Variants in DCLK1 observed in about 807,000 individuals in gnomAD.
The protein encoded by DCLK1 is doublecortin like kinase 1, also known as serine/threonine-protein kinase DCLK1.
A neutral mutation model predicts 86.2 loss-of-function variants in DCLK1; 16 were observed. The observed-to-expected ratio is 0.19, with a 90% CI of 0.13 to 0.28. The LOEUF (loss-of-function observed/expected upper bound fraction) is 0.28, where lower values mean the gene tolerates loss of function less well. DCLK1 is among the 10% of genes least tolerant of loss of function. The pLI, the probability that DCLK1 is intolerant of heterozygous loss-of-function variation, is 1.00. For synonymous variants in DCLK1, 369 were observed against 370.5 expected (o/e 1.00, Z 0.05); for missense variants, 590 against 940.2 (o/e 0.63, Z 4.87).
intron 5 of DCLK1, among the ~76,000 whole-genome samples, chr13:35,870,319 T>A (rs892512468): frequency 6.6e-6 from 1 of 152,106 alleles, no homozygotes; most frequent in African/African-American, 2.4e-5. Context: ...GAGGGCTGGG[T>A]GGTCTAGCTG....
At chr13:36,075,269 A>G (rs1422555493) in intron 3 of DCLK1, among the ~76,000 whole-genome samples, 3 of 152,250 alleles carry the variant, frequency 2.0e-5, no homozygotes, top group African/African-American at 7.2e-5. Context: ...CTCATGTATA[A>G]AACAAGTAGA....
intron 3 of DCLK1, among the ~76,000 whole-genome samples, chr13:36,009,737 A>C (rs1169336753): frequency 8.4e-6 from 1 of 119,660 alleles, no homozygotes; most frequent in Non-Finnish European, 1.7e-5. Context: ...TGAACTTTAA[A>C]GTAGTTTTTT....
At chr13:36,056,009 C>T (rs1200342334) in intron 3 of DCLK1, among the ~76,000 whole-genome samples, 2 of 151,030 alleles carry the variant, frequency 1.3e-5, no homozygotes, top group African/African-American at 2.4e-5. Context: ...CACTTTTACA[C>T]TGTTGGTGGG....
chr13:35,801,456 C>T (rs948963768), intron 15 of DCLK1, among the ~76,000 whole-genome samples: 1 of 124,450 alleles, frequency 8.0e-6, no homozygotes, highest in Non-Finnish European at 1.6e-5. Context: ...TTTATTAAAA[C>T]CATTTTTTTT....
intron 3 of DCLK1, among the ~76,000 whole-genome samples, chr13:36,007,379 G>A (rs1174773433): frequency 6.6e-6 from 1 of 152,188 alleles, no homozygotes; most frequent in Non-Finnish European, 1.5e-5. Flanking sequence ...CTACAAGGCT[G>A]TATTAACACA....
At chr13:35,874,932 C>T (rs902275161) in intron 4 of DCLK1, among the ~76,000 whole-genome samples, 29 of 152,328 alleles carry the variant, frequency 1.9e-4, no homozygotes, top group African/African-American at 6.7e-4. Flanking sequence ...ACAATGTCGC[C>T]GGCCCATTGG....
At chr13:35,776,485 T>C (rs2086426865) in intron 16 of DCLK1, among the ~76,000 whole-genome samples, 1 of 152,294 alleles carries the variant, frequency 6.6e-6, no homozygotes, top group Admixed American at 6.5e-5. Flanking sequence ...CAGTCAGATG[T>C]GGGGAAGAAA....
chr13:35,911,240 G>A (rs1875010831), intron 4 of DCLK1, among the ~76,000 whole-genome samples: 1 of 151,240 alleles, frequency 6.6e-6, no homozygotes, highest in Non-Finnish European at 1.5e-5. Context: ...CTTGCAGTGA[G>A]CAGAGGTTGC....
At chr13:36,068,496 T>C (rs1387107006) in intron 3 of DCLK1, among the ~76,000 whole-genome samples, 1 of 152,188 alleles carries the variant, frequency 6.6e-6, no homozygotes, top group Non-Finnish European at 1.5e-5. Context: ...GGCCAAAAAT[T>C]AAATCCTTAG....
chr13:35,871,445 G>T, intron 4 of DCLK1, 105 bp from the exon 5 acceptor site: 1 of 915,596 alleles, frequency 1.1e-6, no homozygotes, highest in Non-Finnish European at 1.7e-6. Flanking sequence ...ACCATCCTCA[G>T]TCACATCTAC....
rs138067207 is a variant in DCLK1 at position 35,975,435 on chromosome 13, G to A, written c.724-27978C>T. Among the ~76,000 whole-genome samples the A allele has an allele frequency of 2.5e-3, 379 of 152,198 alleles. 3 individuals carry two copies. The highest frequency in any genetic ancestry group is 8.7e-3 in the African/African-American group (361 of 41,530). The stretch of plus-strand genomic sequence containing the variant: ...CAAGGGCAACAAGGTGCAGGGAGGC[G>A]ACACTGAGGGTCCACTCCCTGTTCC... On this transcript the variant is annotated intron_variant, in intron 3 of 16. Transcript: ENST00000360631.
rs1881138781 is a variant in DCLK1 at position 36,008,674 on chromosome 13, C to T, written c.724-61217G>A. On this transcript the variant is annotated intron_variant, in intron 3 of 16. Coordinates refer to ENST00000360631, the MANE Select transcript of DCLK1 (RefSeq NM_001330071.2). Reference sequence around the variant, plus strand: ...GTCTTTGCTATTGTGAATAATGCCGCAATAAACATACGTGTGCATGTGTCT... The same window carrying T: ...GTCTTTGCTATTGTGAATAATGCCGTAATAAACATACGTGTGCATGTGTCT... Among the ~76,000 whole-genome samples the T allele has an allele frequency of 2.7e-5, 4 of 146,894 alleles. No homozygotes were observed. In the South Asian group the frequency reaches 9.3e-4, roughly 34 times the overall value.
chr13:35,964,119 C>A (rs1878604784), intron 3 of DCLK1, among the ~76,000 whole-genome samples: 2 of 152,150 alleles, frequency 1.3e-5, no homozygotes, highest in Non-Finnish European at 2.9e-5. Context: ...ATAAAATCCT[C>A]TTGTATCAAA....
chr13:35,985,006 A>T (rs1852341418), intron 3 of DCLK1, among the ~76,000 whole-genome samples: 1 of 152,184 alleles, frequency 6.6e-6, no homozygotes, highest in East Asian at 1.9e-4. Context: ...GTCACCATGG[A>T]AACAAGCGTT....
chr13:36,084,340 C>A (rs947739230), intron 3 of DCLK1, among the ~76,000 whole-genome samples: 4 of 152,134 alleles, frequency 2.6e-5, no homozygotes, highest in Non-Finnish European at 5.9e-5. Context: ...GACAGCTGAG[C>A]GTCTGATTTT....
At chr13:35,961,390 G>C (rs1878453812) in intron 3 of DCLK1, among the ~76,000 whole-genome samples, 2 of 152,168 alleles carry the variant, frequency 1.3e-5, no homozygotes, top group Admixed American at 6.5e-5. Context: ...TTTCCAGTTT[G>C]TCCTTTCCTT....
chr13:36,123,984 A>C (rs1886079109), intron 2 of DCLK1, among the ~76,000 whole-genome samples: 1 of 152,176 alleles, frequency 6.6e-6, no homozygotes, highest in East Asian at 1.9e-4. Context: ...GCCACTTCTA[A>C]GTAAAGATCA....
intron 3 of DCLK1, among the ~76,000 whole-genome samples, chr13:35,994,413 G>GA (rs1484739399): frequency 3.3e-5 from 5 of 152,156 alleles, no homozygotes; most frequent in African/African-American, 1.2e-4. Flanking sequence ...AGAAAAACCT[G>GA]AAAGAATCAT....
intron 3 of DCLK1, among the ~76,000 whole-genome samples, chr13:35,949,394 C>T (rs1215658621): frequency 2.0e-5 from 3 of 152,126 alleles, no homozygotes; most frequent in Non-Finnish European, 4.4e-5. Flanking sequence ...GGGCTGACAG[C>T]CATAGGTGAA....
Sources: gnomAD v4.1 joint callset for allele counts (sites outside exome capture counted in the v4.1 genomes callset) on GRCh38, gnomAD v4.1.1 for gene constraint, MANE v1.5 for transcripts, NCBI Gene and HGNC (gene_info 2026-07-23, HGNC 2026-07-21) for gene names.